TEX9: variants seen among roughly 807,000 people sequenced by gnomAD.
TEX9 encodes the protein testis expressed 9, also known as testis-expressed protein 9.
In TEX9, 74 loss-of-function variants were observed where a neutral mutation model predicts 59.6. That is an observed-to-expected ratio of 1.24 (90% CI 1.03 to 1.51). The LOEUF (loss-of-function observed/expected upper bound fraction) is 1.51, where lower values mean the gene tolerates loss of function less well. Among genes scored for constraint, TEX9 ranks in the 40% most tolerant of loss-of-function variants. The pLI, the probability that TEX9 is intolerant of heterozygous loss-of-function variation, is 0.00. For missense variants in TEX9, 522 were observed against 447.8 expected, an observed-to-expected ratio of 1.17 and a Z score of -1.49; for synonymous variants, 186 against 152.2, an observed-to-expected ratio of 1.22 and a Z score of -1.64.
chr15:56,457,197 T>G, the TEX9 span, among the ~76,000 whole-genome samples: 1 of 152,216 alleles, frequency 6.6e-6, no homozygotes, highest in African/African-American at 2.4e-5. Flanking sequence ...CCGTAGAATG[T>G]TCCACATTTT....
intron 1 of TEX9, among the ~76,000 whole-genome samples, chr15:56,291,538 T>C (rs1363943294): frequency 6.6e-6 from 1 of 152,224 alleles, no homozygotes; most frequent in African/African-American, 2.4e-5. Flanking sequence ...ATGGATTACC[T>C]CACATACTTA....
intron 1 of TEX9, among the ~76,000 whole-genome samples, chr15:56,277,439 C>T (rs12595744): frequency 0.059 from 8,909 of 152,148 alleles, 665 homozygotes; most frequent in East Asian, 0.37. Context: ...AAATCCTTTC[C>T]CCATTGGTTG....
intron 1 of TEX9, among the ~76,000 whole-genome samples, chr15:56,279,301 A>G (rs1185684165): frequency 6.6e-6 from 1 of 152,198 alleles, no homozygotes; most frequent in African/African-American, 2.4e-5. Context: ...TTTGGCCATA[A>G]AAGTGAACTG....
chr15:56,414,848 C>T (rs2049590966), intron 10 of TEX9, among the ~76,000 whole-genome samples: 1 of 151,824 alleles, frequency 6.6e-6, no homozygotes, highest in South Asian at 2.1e-4. Flanking sequence ...AACTAATTTA[C>T]ACTCCCACCA....
chr15:56,293,442 G>A (rs955862666), intron 1 of TEX9, among the ~76,000 whole-genome samples: 3 of 152,154 alleles, frequency 2.0e-5, no homozygotes, highest in Admixed American at 6.5e-5. Context: ...GACAGACTTG[G>A]CATGTAGTAA....
intron 1 of TEX9, among the ~76,000 whole-genome samples, chr15:56,316,825 A>T (rs2713905): frequency 2.6e-5 from 4 of 152,260 alleles, no homozygotes; most frequent in Admixed American, 6.5e-5. Flanking sequence ...AGGACCCTCC[A>T]AGCCAGGTGC....
At position 56,394,658 on chromosome 15, in the gene TEX9, T is replaced by C. The variant is rs2048370392; in HGVS notation, c.655-3T>C. 6.4e-7 allele frequency: 1 copy of C among 1,560,358 alleles called. No individual in the cohort carries two copies. Among genetic ancestry groups the C allele is most frequent in the Non-Finnish European group, 8.8e-7 (1 of 1,137,374 alleles). ...CACATAATCTATAACTTTATAACTA[T>C]AGGAGGATGAAATTCAGAATTTAAA... On this transcript the variant is annotated splice_region_variant and splice_polypyrimidine_tract_variant and intron_variant, in intron 8 of 12. Transcript: ENST00000352903.
At chr15:56,398,223 G>T (rs1235220422) in intron 9 of TEX9, 2 of 152,136 alleles carry the variant, frequency 1.3e-5, no homozygotes, top group African/African-American at 2.4e-5. Context: ...ACAGAATGAA[G>T]AATGTAAAAT....
chr15:56,271,901 G>A (rs1206197230), intron 1 of TEX9, among the ~76,000 whole-genome samples: 1 of 152,204 alleles, frequency 6.6e-6, no homozygotes, highest in Non-Finnish European at 1.5e-5. Flanking sequence ...AGCACTTTGG[G>A]AGGCTGAGGC....
At chr15:56,344,598 C>A (rs1192671510) in intron 1 of TEX9, among the ~76,000 whole-genome samples, 1 of 151,930 alleles carries the variant, frequency 6.6e-6, no homozygotes, top group Non-Finnish European at 1.5e-5. Flanking sequence ...GTGATGCTTG[C>A]AAAACTCTGT....
intron 1 of TEX9, among the ~76,000 whole-genome samples, chr15:56,283,917 A>G (rs1421866833): frequency 6.6e-6 from 1 of 152,200 alleles, no homozygotes; most frequent in African/African-American, 2.4e-5. Context: ...GTCTCCAGCA[A>G]ATATGGGAAA....
intron 10 of TEX9, among the ~76,000 whole-genome samples, chr15:56,420,818 C>G (rs1243484619): frequency 6.6e-6 from 1 of 151,820 alleles, no homozygotes; most frequent in Non-Finnish European, 1.5e-5. Context: ...ACAAACTTTA[C>G]GAGTTTGTCA....
In TEX9 at chr15:56,278,019, A is replaced by C. The variant is rs539196955; in HGVS notation, c.-107+33741A>C. ...TTTCCCCTTTCCACGAAGCTTCTTT[A>C]GTCGTTTTTGCTCATCCTTAAAATC... On this transcript the variant is annotated intron_variant, in intron 1 of 5. Coordinates refer to the TEX9 transcript ENST00000560827. Among the ~76,000 whole-genome samples the C allele has an allele frequency of 1.3e-4, 20 of 150,448 alleles. 1 individual carries two copies. Among genetic ancestry groups the C allele is most frequent in the Admixed American group, 1.2e-3 (18 of 15,114 alleles).
At chr15:56,371,032 T>G (rs1465622502) in intron 2 of TEX9, among the ~76,000 whole-genome samples, 1 of 152,082 alleles carries the variant, frequency 6.6e-6, no homozygotes, top group African/African-American at 2.4e-5. Context: ...AATTTTTGTA[T>G]TTTTAGTAGA....
At chr15:56,356,923 C>T (rs1414896652) in intron 1 of TEX9, among the ~76,000 whole-genome samples, 4 of 152,016 alleles carry the variant, frequency 2.6e-5, no homozygotes, top group Non-Finnish European at 4.4e-5. Flanking sequence ...GTCTCACTGG[C>T]TAGGACTTCC....
chr15:56,324,192 A>AT (rs397714827), intron 1 of TEX9, among the ~76,000 whole-genome samples: 1 of 151,592 alleles, frequency 6.6e-6, no homozygotes, highest in Admixed American at 6.6e-5. Flanking sequence ...AAAAAAAAAA[A>AT]GTCGCAGTGG....
At chr15:56,261,900 A>C (rs1160604316) in intron 1 of TEX9, among the ~76,000 whole-genome samples, 2 of 152,194 alleles carry the variant, frequency 1.3e-5, no homozygotes, top group Non-Finnish European at 2.9e-5. Flanking sequence ...TGTAGAGGGC[A>C]CTGCTGTGGC....
intron 1 of TEX9, among the ~76,000 whole-genome samples, chr15:56,271,316 T>C (rs1258306103): frequency 6.6e-6 from 1 of 152,236 alleles, no homozygotes; most frequent in African/African-American, 2.4e-5. Context: ...CCATATTTCT[T>C]GGAGGCTTTG....
chr15:56,309,747 T>G (rs1411595632), intron 1 of TEX9, among the ~76,000 whole-genome samples: 3 of 137,806 alleles, frequency 2.2e-5, no homozygotes, highest in African/African-American at 8.3e-5. Context: ...CAGATTTTAT[T>G]CAGTAACAAT....
Sources: gnomAD v4.1 joint callset for allele counts (sites outside exome capture counted in the v4.1 genomes callset) on GRCh38, gnomAD v4.1.1 for gene constraint, MANE v1.5 for transcripts, NCBI Gene and HGNC (gene_info 2026-07-23, HGNC 2026-07-21) for gene names.